Variants in ANKUB1 observed in about 807,000 individuals in gnomAD.
ANKUB1 encodes the protein protein ANKUB1.
Under a neutral mutation model 49.3 loss-of-function variants are expected in ANKUB1, and 42 were observed. The observed-to-expected ratio is 0.85, with a 90% CI of 0.67 to 1.10. The LOEUF (loss-of-function observed/expected upper bound fraction) is 1.10, where lower values mean the gene tolerates loss of function less well. Among genes scored for constraint, ANKUB1 ranks in the 50% least tolerant of loss-of-function variants. The probability of loss-of-function intolerance (pLI) is 0.00; values close to 1 mark genes in which losing one functional copy is unlikely to be tolerated. For missense variants in ANKUB1, 613 were observed against 642.0 expected (o/e 0.95, Z 0.49); for synonymous variants, 222 against 231.0 (o/e 0.96, Z 0.35).
chr3:149,790,074 G>A (rs1718293650), intron 2 of ANKUB1, among the ~76,000 whole-genome samples: 1 of 151,900 alleles, frequency 6.6e-6, no homozygotes, highest in African/African-American at 2.4e-5. Flanking sequence ...TTTTATATAC[G>A]GTAAAGCACT....
At chr3:149,781,753 T>C (rs1380607386) in intron 2 of ANKUB1, among the ~76,000 whole-genome samples, 2 of 152,200 alleles carry the variant, frequency 1.3e-5, no homozygotes, top group Non-Finnish European at 2.9e-5. Context: ...TGAGGAGTGA[T>C]GTTACTGATG....
Position 149,766,822 on chromosome 3 carries a change from GCAGCAGCAGC to G in ANKUB1, c.1505+325_1505+334del, listed in dbSNP as rs1405374391. 1.7e-5 allele frequency: 9 copies of G among 520,046 alleles called. 1 individual carries two copies. The African/African-American group carries it at 5.0e-4, about 29-fold the overall frequency. 32.2% of individuals were successfully genotyped at this position (520,046 alleles called of 1,614,324 possible). ...CAAACAAAAAGAAAAAAGAAAAGCAGCAGCAGCAGCAGCAGCAGCAGCAGCAGCAGCAGCA... is the reference window on the plus strand; with the variant it reads ...CAAACAAAAAGAAAAAAGAAAAGCAGAGCAGCAGCAGCAGCAGCAGCAGCA... On this transcript the variant is annotated intron_variant, in intron 5 of 5. Coordinates refer to ENST00000446160, the MANE Select transcript of ANKUB1 (RefSeq NM_001144960.3).
chr3:149,774,770 C>T (rs1717517704), intron 3 of ANKUB1, among the ~76,000 whole-genome samples: 1 of 152,190 alleles, frequency 6.6e-6, no homozygotes, highest in South Asian at 2.1e-4. Flanking sequence ...AATTTCTAAG[C>T]AAGTCAGCCA....
intron 1 of ANKUB1, 32 bp from the exon 2 acceptor site, chr3:149,790,956 T>C: frequency 6.5e-7 from 1 of 1,540,972 alleles, no homozygotes; most frequent in Non-Finnish European, 8.8e-7. Flanking sequence ...ATGAAAACAG[T>C]ACATCCTTAC....
At chr3:149,790,649 CA>C (rs1718318853) in intron 2 of ANKUB1, 131 bp downstream of exon 2, 21 of 884,030 alleles carry the variant, frequency 2.4e-5, no homozygotes. Context: ...ACCTGTTATA[CA>C]AATGGAAGTG....
At chr3:149,791,022 T>C (rs1272368662) in intron 1 of ANKUB1, 98 bp from the exon 2 acceptor site, 1 of 1,253,350 alleles carries the variant, frequency 8.0e-7, no homozygotes, top group East Asian at 2.6e-5. Context: ...CTCTGGGCAT[T>C]ATAATTGTTT....
intron 3 of ANKUB1, chr3:149,780,030 G>A: frequency 1.8e-6 from 1 of 570,140 alleles, no homozygotes; most frequent in African/African-American, 1.9e-5. Flanking sequence ...GGCCAGGAGA[G>A]GGAGGGCAAC....
intron 3 of ANKUB1, among the ~76,000 whole-genome samples, chr3:149,778,007 C>G (rs1717678728): frequency 6.6e-6 from 1 of 152,206 alleles, no homozygotes; most frequent in South Asian, 2.1e-4. Context: ...AGGTTCAACT[C>G]CTGATAGCAG....
chr3:149,791,192 A>G (rs1345144515), intron 1 of ANKUB1, among the ~76,000 whole-genome samples: 2 of 152,222 alleles, frequency 1.3e-5, no homozygotes, highest in Non-Finnish European at 2.9e-5. Context: ...AGCAAATTAA[A>G]GTAGGAGTAG....
chr3:149,792,541 G>C lies in ANKUB1; in HGVS notation c.-175C>G. Reference sequence around the variant, plus strand: ...AAGAGCCTAGTCCCACAGTGCCACAGTATCAGGCAACACAGACACCAGCTA... The same window carrying C: ...AAGAGCCTAGTCCCACAGTGCCACACTATCAGGCAACACAGACACCAGCTA... On this transcript the variant is annotated 5_prime_UTR_variant, in exon 1 of 6. Coordinates refer to ENST00000446160, the MANE Select transcript of ANKUB1 (RefSeq NM_001144960.3). 1 of 425,382 alleles carries C rather than the reference G, an allele frequency of 2.4e-6. No homozygotes were observed. Among genetic ancestry groups the C allele is most frequent in the Admixed American group, 4.3e-5 (1 of 23,242 alleles). The allele number at this position is 425,382 out of a possible 1,614,324, so 26.4% of individuals were successfully genotyped here. A position where few individuals can be genotyped will look rare whatever the true frequency, so the allele number is the denominator to read the frequency against.
intron 3 of ANKUB1, among the ~76,000 whole-genome samples, chr3:149,777,197 G>T (rs1248623172): frequency 1.3e-5 from 2 of 152,042 alleles, no homozygotes; most frequent in Non-Finnish European, 2.9e-5. Context: ...TTCTAGGCCG[G>T]GTGTGGTGGC....
chr3:149,772,479 C>A (rs74379698), intron 3 of ANKUB1, among the ~76,000 whole-genome samples: 3,817 of 152,302 alleles, frequency 0.025, 65 homozygotes, highest in Non-Finnish European at 0.035. Context: ...CTTTGAGAAG[C>A]TCCCAGCAGC....
Position 149,780,355 on chromosome 3 carries a change from A to G in ANKUB1, c.335T>C (p.Leu112Pro). 6.4e-7 allele frequency: 1 copy of G among 1,552,012 alleles called. No homozygotes were observed. The highest frequency in any genetic ancestry group is 8.7e-7 in the Non-Finnish European group (1 of 1,146,978). ...ACATCTCAGAGTTACCAGTGTTCTC[A>G]GATCAGACACTGTTTTATCAAGAAG... is the stretch of plus-strand genomic sequence containing the variant. ...ISLLDKTVSDLRTLVTLRCGL... is the reference protein window; with the variant it reads ...ISLLDKTVSDPRTLVTLRCGL... The change falls in exon 3 of 6, where the codon CTG becomes CCG. Residue 112 changes from leucine to proline, a missense_variant. Transcript: ENST00000446160.
At position 149,761,589 on chromosome 3, in the gene ANKUB1, A is replaced by G; in HGVS notation, c.1530T>C (p.Leu510=). ...GGACTCTTGCTATTTCTAACTGCTG[A>G]AGCCATCGTTTCTCTTTAAAGGCAC... ...VASAFKEKRW[L]QQLEIARVLA... is the part of the protein sequence containing the mutation. Residue 510 remains leucine, a synonymous_variant, in exon 6 of 6, where the codon CTT becomes CTC. Coordinates refer to ENST00000446160, the MANE Select transcript of ANKUB1 (RefSeq NM_001144960.3). The G allele has an allele frequency of 6.4e-7, 1 of 1,551,238 alleles. No homozygotes were observed. The highest frequency in any genetic ancestry group is 8.7e-7 in the Non-Finnish European group (1 of 1,146,734).
intron 2 of ANKUB1, among the ~76,000 whole-genome samples, chr3:149,789,095 C>T (rs1718242358): frequency 6.6e-6 from 1 of 151,998 alleles, no homozygotes; most frequent in Non-Finnish European, 1.5e-5. Context: ...TACTGTGTAT[C>T]TTTTTGTTCC....
intron 2 of ANKUB1, among the ~76,000 whole-genome samples, chr3:149,785,368 G>A (rs772644190): frequency 4.6e-5 from 7 of 151,914 alleles, no homozygotes; most frequent in Admixed American, 6.6e-5. Context: ...CCATTAACTC[G>A]TCATTTACAT....
chr3:149,787,601 A>T (rs1335561497), intron 2 of ANKUB1, among the ~76,000 whole-genome samples: 1 of 152,188 alleles, frequency 6.6e-6, no homozygotes, highest in Non-Finnish European at 1.5e-5. Context: ...AACTTCCAAC[A>T]CTATGTTGAA....
chr3:149,778,867 A>T (rs1465752587), intron 3 of ANKUB1: 2 of 152,262 alleles, frequency 1.3e-5, no homozygotes, highest in African/African-American at 4.8e-5. Flanking sequence ...TTAACTAAGG[A>T]TACCTACAAA....
chr3:149,784,748 T>A (rs1316548057), intron 2 of ANKUB1, among the ~76,000 whole-genome samples: 3 of 152,036 alleles, frequency 2.0e-5, no homozygotes, highest in African/African-American at 7.3e-5. Context: ...TACTGGGGAG[T>A]GCTTTGCCCT....
Sources: allele counts gnomAD v4.1 joint callset (sites outside exome capture counted in the v4.1 genomes callset), GRCh38; gene constraint gnomAD v4.1.1; transcripts MANE v1.5; gene names NCBI Gene and HGNC (gene_info 2026-07-23, HGNC 2026-07-21).